The following MMD2 variants were observed in gnomAD, a reference collection of about 807,000 sequenced individuals.
MMD2 encodes monocyte to macrophage differentiation associated 2.
A neutral mutation model predicts 33.5 loss-of-function variants in MMD2; 30 were observed. That is an observed-to-expected ratio of 0.90 (90% confidence interval 0.67 to 1.22). The LOEUF (loss-of-function observed/expected upper bound fraction) is 1.22. Ranked by LOEUF, MMD2 falls within the 50% of genes most tolerant of loss-of-function variation. The pLI, the probability that MMD2 is intolerant of heterozygous loss-of-function variation, is 0.00. For missense variants in MMD2, 364 were observed against 325.4 expected, an observed-to-expected ratio of 1.12 and a Z score of -0.91; for synonymous variants, 129 against 123.0, an observed-to-expected ratio of 1.05 and a Z score of -0.32.
chr7:4,939,017 G>T (rs571627208), intron 1 of MMD2, among the ~76,000 whole-genome samples: 2 of 151,960 alleles, frequency 1.3e-5, no homozygotes, highest in East Asian at 3.9e-4. Flanking sequence ...AGACCAGCCT[G>T]GCCAACATGG....
At position 4,946,121 on chromosome 7, in the gene MMD2, G is replaced by A. The variant is rs1024881374; in HGVS notation, c.47+12850C>T. Among the ~76,000 whole-genome samples the A allele has an allele frequency of 6.8e-6, 1 of 146,656 alleles. No individual in the cohort carries two copies. Among genetic ancestry groups the A allele is most frequent in the Non-Finnish European group, 1.5e-5 (1 of 66,458 alleles). On this transcript the variant is annotated intron_variant, in intron 1 of 6. Transcript: ENST00000401401. The surrounding 1 kb of genome is among the most constrained non-coding windows in gnomAD (Gnocchi z 5.0). The stretch of plus-strand genomic sequence containing the variant: ...CACGCATGCACACGCGCACACGCAC[G>A]CACACACCTGCACACGCACGCACAC...
intron 3 of MMD2, among the ~76,000 whole-genome samples, chr7:4,917,548 C>T (rs1234050199): frequency 5.9e-5 from 9 of 151,732 alleles, no homozygotes; most frequent in South Asian, 4.2e-4. Flanking sequence ...AAAAATTAGC[C>T]GGGCGTGGTG....
chr7:4,954,619 A>G (rs112928369), intron 1 of MMD2, among the ~76,000 whole-genome samples: 8,571 of 151,972 alleles, frequency 0.056, 348 homozygotes, highest in East Asian at 0.12. Context: ...GGGTTTCACC[A>G]TGTTGCCCAA....
rs546621985 is a variant in MMD2 at position 4,947,203 on chromosome 7, G to A, written c.47+11768C>T. Among the ~76,000 whole-genome samples, 64 of 151,934 alleles carry A rather than the reference G, an allele frequency of 4.2e-4. 1 individual carries two copies. In the South Asian group the frequency reaches 0.011, roughly 25 times the overall value. ...AGCCTGGGTGACAGAGCAAGACTCC[G>A]TCTCAAACAAAAGAAAAAAGAAAGA... On this transcript the variant is annotated intron_variant, in intron 1 of 6. Transcript: ENST00000401401.
At chr7:4,933,126 A>G (rs1583383443) in intron 1 of MMD2, among the ~76,000 whole-genome samples, 1 of 152,094 alleles carries the variant, frequency 6.6e-6, no homozygotes, top group African/African-American at 2.4e-5. Flanking sequence ...CTGTAATCCC[A>G]GCGCTTTGGG....
At position 4,916,777 on chromosome 7, in the gene MMD2, A is replaced by G. The variant is rs142361975; in HGVS notation, c.291-698T>C. On this transcript the variant is annotated intron_variant, in intron 3 of 6. Transcript: ENST00000401401. ...TAATGGGGAAAGAATTCTGTGGACAAAGTGCAAAAATGGCCAGATGGAGTG... is the reference window on the plus strand; with the variant it reads ...TAATGGGGAAAGAATTCTGTGGACAGAGTGCAAAAATGGCCAGATGGAGTG... 2.3e-3 allele frequency among the ~76,000 whole-genome samples: 352 copies of G among 152,226 alleles called. 1 individual carries two copies. Among genetic ancestry groups the G allele is most frequent in the African/African-American group, 7.7e-3 (320 of 41,554 alleles).
At chr7:4,900,202 G>C in the MMD2 span, among the ~76,000 whole-genome samples, 1 of 152,094 alleles carries the variant, frequency 6.6e-6, no homozygotes, top group Non-Finnish European at 1.5e-5. Flanking sequence ...TCAGGAGGCT[G>C]AGGCAGCACT....
In MMD2 at chr7:4,907,358, C is replaced by G. The variant is rs778274571; in HGVS notation, c.*38G>C. 2 of 1,605,250 alleles carry G rather than the reference C, an allele frequency of 1.2e-6. No individual in the cohort carries two copies. Among genetic ancestry groups the G allele is most frequent in the Non-Finnish European group, 1.7e-6 (2 of 1,173,222 alleles). On this transcript the variant is annotated 3_prime_UTR_variant, in exon 7 of 7. Transcript: ENST00000401401. ...TTAACGTTCACAGAAACGTGCTCCACTCCTAAAGCCCAAACGACCTCTCAA... is the reference window on the plus strand; with the variant it reads ...TTAACGTTCACAGAAACGTGCTCCAGTCCTAAAGCCCAAACGACCTCTCAA...
intron 4 of MMD2, among the ~76,000 whole-genome samples, chr7:4,913,173 T>C (rs1395544103): frequency 6.6e-6 from 1 of 152,186 alleles, no homozygotes; most frequent in Non-Finnish European, 1.5e-5. Flanking sequence ...TCATTCTAGA[T>C]ATCCTTCCAA....
At chr7:4,895,654 A>C in the MMD2 span, among the ~76,000 whole-genome samples, 1 of 152,120 alleles carries the variant, frequency 6.6e-6, no homozygotes, top group African/African-American at 2.4e-5. Flanking sequence ...CTCCTGACTC[A>C]GCCTCCGGAG....
At position 4,949,856 on chromosome 7, in the gene MMD2, G is replaced by A. The variant is rs563454333; in HGVS notation, c.47+9115C>T. On this transcript the variant is annotated intron_variant, in intron 1 of 6. Transcript: ENST00000401401. ...TACTATGGCATTTTATAAGAGTAGC[G>A]TGAACAGGCTAAGACAATTTGATCA... Among the ~76,000 whole-genome samples, 16 of 152,152 alleles carry A rather than the reference G, an allele frequency of 1.1e-4. No individual in the cohort carries two copies. In the South Asian group the frequency reaches 1.7e-3, roughly 16 times the overall value.
chr7:4,944,453 A>T (rs1432483751), intron 1 of MMD2, among the ~76,000 whole-genome samples: 2 of 151,970 alleles, frequency 1.3e-5, no homozygotes, highest in African/African-American at 4.8e-5. Flanking sequence ...GGGCCAGCCC[A>T]CCCCACGCTG....
intron 1 of MMD2, among the ~76,000 whole-genome samples, chr7:4,956,682 C>G (rs1786389330): frequency 6.6e-6 from 1 of 152,134 alleles, no homozygotes; most frequent in Non-Finnish European, 1.5e-5. Flanking sequence ...ACCATTTAGA[C>G]CAGCTCTCAT....
chr7:4,954,595 T>G (rs1304378396), intron 1 of MMD2, among the ~76,000 whole-genome samples: 1 of 151,964 alleles, frequency 6.6e-6, no homozygotes, highest in Non-Finnish European at 1.5e-5. Context: ...TTGTTTGTAT[T>G]TTTTGTAGAG....
chr7:4,916,371 C>CTTTTTT (rs553309427), intron 3 of MMD2, among the ~76,000 whole-genome samples: 2 of 64,748 alleles, frequency 3.1e-5, no homozygotes, highest in Admixed American at 2.2e-4. Flanking sequence ...CTCCGTCCCA[C>CTTTTTT]TTTTTTTTTT....
intron 1 of MMD2, among the ~76,000 whole-genome samples, chr7:4,945,561 C>A (rs1023323367): frequency 1.3e-5 from 2 of 151,738 alleles, no homozygotes; most frequent in African/African-American, 4.8e-5. Flanking sequence ...CCGCCTCACC[C>A]AGCCCTTCCC....
chr7:4,937,268 G>C (rs1033505672), intron 1 of MMD2, among the ~76,000 whole-genome samples: 44 of 151,544 alleles, frequency 2.9e-4, no homozygotes, highest in African/African-American at 1.0e-3. Context: ...ACAGTGGCGC[G>C]CACCTGTAAT....
intron 1 of MMD2, among the ~76,000 whole-genome samples, chr7:4,944,960 G>C (rs1303102778): frequency 6.7e-6 from 1 of 149,694 alleles, no homozygotes; most frequent in Non-Finnish European, 1.5e-5. Flanking sequence ...TAGCAGAGAC[G>C]GGGTTTCACC....
intron 1 of MMD2, among the ~76,000 whole-genome samples, chr7:4,941,195 C>T (rs920570477): frequency 6.6e-6 from 1 of 152,198 alleles, no homozygotes; most frequent in African/African-American, 2.4e-5. Context: ...CCTCCTTCCA[C>T]CTGACCTAGG....
Sources: allele counts gnomAD v4.1 joint callset (sites outside exome capture counted in the v4.1 genomes callset), GRCh38; gene constraint gnomAD v4.1.1; non-coding constraint Gnocchi (gnomAD v3.1); transcripts MANE v1.5; gene names NCBI Gene and HGNC (gene_info 2026-07-23, HGNC 2026-07-21).